Variants in PTPRT observed in about 807,000 individuals in gnomAD.
PTPRT encodes the protein protein tyrosine phosphatase receptor type T.
In PTPRT, 56 loss-of-function variants were observed where a neutral mutation model predicts 176.8. The observed-to-expected ratio is 0.32, with a 90% CI of 0.26 to 0.40. The LOEUF (loss-of-function observed/expected upper bound fraction) is 0.40. Among genes scored for constraint, PTPRT ranks in the 10% least tolerant of loss-of-function variants. PTPRT has a pLI of 1.00. For synonymous variants in PTPRT, 783 were observed against 739.0 expected (o/e 1.06, Z -0.96); for missense variants, 1,540 against 1,908.2 (o/e 0.81, Z 3.60).
the PTPRT span, among the ~76,000 whole-genome samples, chr20:42,048,343 G>A: frequency 6.6e-6 from 1 of 152,196 alleles, no homozygotes; most frequent in Non-Finnish European, 1.5e-5. Flanking sequence ...TGAGAGGTGG[G>A]CTCTGTGTTT....
intron 16 of PTPRT, among the ~76,000 whole-genome samples, chr20:42,196,253 C>T (rs117321835): frequency 7.7e-4 from 117 of 152,338 alleles, no homozygotes; most frequent in Non-Finnish European, 1.4e-3. Flanking sequence ...ATGAACTTCT[C>T]TGCCCCAGAG....
chr20:42,039,142 G>A, the PTPRT span, among the ~76,000 whole-genome samples: 1 of 152,024 alleles, frequency 6.6e-6, no homozygotes, highest in East Asian at 1.9e-4. Flanking sequence ...ACTACTTGTG[G>A]ATCCAGTTAC....
At chr20:42,039,692 G>GTGTATATATA in the PTPRT span, among the ~76,000 whole-genome samples, 3 of 113,206 alleles carry the variant, frequency 2.7e-5, no homozygotes, top group African/African-American at 6.1e-5. Context: ...ATTCTGTTGT[G>GTGTATATATA]TATATATATA....
At chr20:42,956,707 CTG>C (rs1981665241) in intron 1 of PTPRT, among the ~76,000 whole-genome samples, 2 of 152,130 alleles carry the variant, frequency 1.3e-5, no homozygotes, top group Non-Finnish European at 2.9e-5. Flanking sequence ...GCAGAGGAGA[CTG>C]TGACAAAGTC....
At chr20:42,594,334 C>T (rs1054375458) in intron 7 of PTPRT, among the ~76,000 whole-genome samples, 1 of 152,126 alleles carries the variant, frequency 6.6e-6, no homozygotes, top group Non-Finnish European at 1.5e-5. Context: ...AAAAAACCCT[C>T]TTTCTGTAAA....
At chr20:42,669,154 C>A (rs149796051) in intron 7 of PTPRT, among the ~76,000 whole-genome samples, 1 of 152,032 alleles carries the variant, frequency 6.6e-6, no homozygotes, top group East Asian at 1.9e-4. Context: ...AAAACAAGTT[C>A]GGTAGGTGAT....
intron 1 of PTPRT, among the ~76,000 whole-genome samples, chr20:43,091,471 TTCTCTCTCTCTCTCTCTCTATTTCTC>T (rs2011855891): frequency 5.6e-5 from 6 of 107,728 alleles, no homozygotes; most frequent in Admixed American, 4.5e-4. Flanking sequence ...CCCCCTCTCT[TTCTCTCTCTCTCTCTCTCTATTTCTC>T]TCTCTCTCTC....
At chr20:43,037,008 T>G (rs1030949377) in intron 1 of PTPRT, among the ~76,000 whole-genome samples, 4 of 152,192 alleles carry the variant, frequency 2.6e-5, no homozygotes, top group Non-Finnish European at 5.9e-5. Context: ...ATAAAATACA[T>G]AAATCTTTGG....
intron 8 of PTPRT, among the ~76,000 whole-genome samples, chr20:42,467,301 G>C (rs574829369): frequency 6.6e-6 from 1 of 152,142 alleles, no homozygotes; most frequent in South Asian, 2.1e-4. Context: ...AAGAAAAAAG[G>C]TGCCACATTT....
chr20:43,118,239 A>G (rs1222177418), intron 1 of PTPRT, among the ~76,000 whole-genome samples: 3 of 152,238 alleles, frequency 2.0e-5, no homozygotes, highest in African/African-American at 7.2e-5. Context: ...CCCATGGGCC[A>G]TATTTTGTTG....
At chr20:42,258,635 G>T (rs1026667506) in intron 13 of PTPRT, among the ~76,000 whole-genome samples, 3 of 151,964 alleles carry the variant, frequency 2.0e-5, no homozygotes, top group African/African-American at 7.3e-5. Context: ...ACCTCCCCAT[G>T]CCTCAAAGCA....
chr20:42,737,921 G>C (rs941719583), intron 6 of PTPRT, among the ~76,000 whole-genome samples: 1 of 152,158 alleles, frequency 6.6e-6, no homozygotes, highest in African/African-American at 2.4e-5. Context: ...CCACCTTGCA[G>C]GACAGGGCCA....
chr20:42,357,271 T>C (rs1370841175), intron 9 of PTPRT, among the ~76,000 whole-genome samples: 3 of 152,204 alleles, frequency 2.0e-5, no homozygotes, highest in Admixed American at 1.3e-4. Context: ...CAGAGAGAAG[T>C]AGCAACAGAT....
At chr20:42,364,778 G>T (rs1461919702) in intron 9 of PTPRT, among the ~76,000 whole-genome samples, 1 of 152,192 alleles carries the variant, frequency 6.6e-6, no homozygotes, top group Non-Finnish European at 1.5e-5. Flanking sequence ...ACAGCTGGAA[G>T]GAACTACTCC....
chr20:42,326,722 C>G (rs902160612), intron 11 of PTPRT, among the ~76,000 whole-genome samples: 17 of 152,048 alleles, frequency 1.1e-4, no homozygotes, highest in Non-Finnish European at 1.8e-4. Flanking sequence ...TTGTGCTGAA[C>G]TGAAGATGAA....
chr20:42,785,619 A>G (rs2077277853), intron 3 of PTPRT, among the ~76,000 whole-genome samples: 1 of 152,162 alleles, frequency 6.6e-6, no homozygotes, highest in Admixed American at 6.5e-5. Context: ...CGGTGTGTGT[A>G]TAACATCTCT....
intron 7 of PTPRT, among the ~76,000 whole-genome samples, chr20:42,640,511 C>G (rs1381917371): frequency 1.3e-5 from 2 of 152,006 alleles, no homozygotes; most frequent in Non-Finnish European, 2.9e-5. Context: ...GCCTCAGGTT[C>G]CCGAGTAGCT....
chr20:42,056,052 G>T, the PTPRT span, among the ~76,000 whole-genome samples: 1 of 152,106 alleles, frequency 6.6e-6, no homozygotes, highest in Non-Finnish European at 1.5e-5. Context: ...GCTATTTATC[G>T]TTCCTCTGAG....
chr20:43,063,591 C>G (rs1987558168), intron 1 of PTPRT: 1 of 152,314 alleles, frequency 6.6e-6, no homozygotes, highest in South Asian at 2.1e-4. Flanking sequence ...AAATGCCATG[C>G]TGGTGGCATT....
Sources: allele counts gnomAD v4.1 joint callset (sites outside exome capture counted in the v4.1 genomes callset), GRCh38; gene constraint gnomAD v4.1.1; transcripts MANE v1.5; gene names NCBI Gene and HGNC (gene_info 2026-07-23, HGNC 2026-07-21).